Variants in SIRT4 observed in about 807,000 individuals in gnomAD.
SIRT4 encodes NAD-dependent protein lipoamidase sirtuin-4, mitochondrial.
In SIRT4, 23 loss-of-function variants were observed where a neutral mutation model predicts 26.1. The ratio of observed to expected loss-of-function variants is 0.88; its 90% CI spans 0.63 to 1.25. SIRT4 has a LOEUF of 1.25. SIRT4 is among the 50% of genes most tolerant of loss of function. The probability of loss-of-function intolerance (pLI) is 0.00; values close to 1 mark genes in which losing one functional copy is unlikely to be tolerated. For missense variants in SIRT4, 361 were observed against 405.4 expected (o/e 0.89, Z 0.94); for synonymous variants, 155 against 158.4 (o/e 0.98, Z 0.16).
chr12:120,313,110 C>T lies in SIRT4; in HGVS notation c.*74C>T, dbSNP rs1348653627. On this transcript the variant is annotated 3_prime_UTR_variant, in exon 4 of 4. Transcript: ENST00000202967. ...TTGCTGCTAAATGTAAATGCCTTCT[C>T]AAATGACAGATTCCAGTTCCCATTC... The T allele has an allele frequency of 6.5e-7, 1 of 1,547,850 alleles. No homozygotes were observed. The highest frequency in any genetic ancestry group is 1.4e-5 in the African/African-American group (1 of 73,728).
upstream of SIRT4, among the ~76,000 whole-genome samples, chr12:120,300,660 C>G (rs1246650249): frequency 6.6e-6 from 1 of 152,116 alleles, no homozygotes; most frequent in Non-Finnish European, 1.5e-5. Flanking sequence ...GTTGCCCAAG[C>G]TGGTCTTGAA....
At chr12:120,301,704 T>C (rs1037579270), upstream of SIRT4, among the ~76,000 whole-genome samples, 7 of 152,034 alleles carry the variant, frequency 4.6e-5, no homozygotes, top group Admixed American at 6.6e-5. Flanking sequence ...TCATTTCACA[T>C]TGCATGTTTG....
intron 2 of SIRT4, among the ~76,000 whole-genome samples, chr12:120,305,242 CGT>C (rs34827089): frequency 0.78 from 114,617 of 147,606 alleles, 44,370 homozygotes; most frequent in Middle Eastern, 0.87. Flanking sequence ...TGTGTGTGCA[CGT>C]GTGTGTGTGT....
chr12:120,299,549 CAAAA>C (rs35920345), upstream of SIRT4, among the ~76,000 whole-genome samples: 3 of 130,806 alleles, frequency 2.3e-5, no homozygotes, highest in Non-Finnish European at 1.6e-5. Context: ...TAGACTCTCT[CAAAA>C]AAAAAAAAAA....
chr12:120,297,155 G>A, the SIRT4 span, among the ~76,000 whole-genome samples: 1 of 151,884 alleles, frequency 6.6e-6, no homozygotes, highest in Non-Finnish European at 1.5e-5. Context: ...CCCGGTAGGC[G>A]GAGGTTGCAG....
At chr12:120,306,571 G>T (rs1439919575) in intron 2 of SIRT4, among the ~76,000 whole-genome samples, 1 of 151,898 alleles carries the variant, frequency 6.6e-6, no homozygotes, top group African/African-American at 2.4e-5. Context: ...GGAGGCAGAG[G>T]CAGGCAGATC....
the SIRT4 span, among the ~76,000 whole-genome samples, chr12:120,296,086 CAAAAAAAAAAA>C: frequency 1.5e-4 from 6 of 40,192 alleles, no homozygotes; most frequent in African/African-American, 5.3e-4. Flanking sequence ...GACTCCGTCT[CAAAAAAAAAAA>C]AAAAAAAAAA....
chr12:120,304,084 C>G, intron 2 of SIRT4, 26 bp downstream of exon 2: 2 of 1,596,506 alleles, frequency 1.3e-6, no homozygotes, highest in Non-Finnish European at 1.7e-6. Flanking sequence ...ACGGTTTGAA[C>G]GCAAACCCGT....
rs1221586121 is a variant in SIRT4 at position 120,304,015 on chromosome 12, G to A, written c.454G>A (p.Ala152Thr). 10 of 1,612,508 alleles carry A rather than the reference G, an allele frequency of 6.2e-6. No homozygotes were observed. In the Middle Eastern group the frequency reaches 1.5e-3, roughly 239 times the overall value. The change falls in exon 2 of 4, where the codon GCG (alanine) becomes ACG (threonine). Residue 152 changes from alanine (A) to threonine (T), a missense_variant. Transcript: ENST00000202967. ...TQNVDALHTK[A>T]GSRRLTELHG... is the part of the protein sequence containing the mutation. ...AAATGTGGATGCTTTGCACACCAAG[G>A]CGGGGAGTCGGCGCCTGACAGAGCT...
chr12:120,304,825 ATATATATATATTTTTT>A (rs1367090827), intron 2 of SIRT4, among the ~76,000 whole-genome samples: 22 of 18,134 alleles, frequency 1.2e-3, no homozygotes, highest in South Asian at 4.8e-3. Context: ...ATATATATAT[ATATATATATATTTTTT>A]TTTTTTTTTT....
At chr12:120,307,317 C>A (rs1872778315) in intron 2 of SIRT4, among the ~76,000 whole-genome samples, 1 of 152,054 alleles carries the variant, frequency 6.6e-6, no homozygotes, top group Admixed American at 6.6e-5. Flanking sequence ...TGTCGAAACC[C>A]AGTCTCTACT....
intron 2 of SIRT4, among the ~76,000 whole-genome samples, chr12:120,307,077 G>C (rs553168163): frequency 6.6e-6 from 1 of 152,308 alleles, no homozygotes; most frequent in Non-Finnish European, 1.5e-5. Context: ...AGGCTCCTCT[G>C]AGGGCTGAAG....
rs138340515 is a variant in SIRT4, at chr12:120,308,433, A to G, written c.498-4023A>G. Among the ~76,000 whole-genome samples the G allele has an allele frequency of 8.8e-3, 1,335 of 152,194 alleles. 14 individuals carry two copies. The highest frequency in any genetic ancestry group is 0.015 in the Non-Finnish European group (1,050 of 68,002). ...CGTGATCCGCCTGCCTCGGCCTCCC[A>G]AAGCGCTGGGATTACAGGCGTGAGC... On this transcript the variant is annotated intron_variant, in intron 2 of 3. Coordinates refer to ENST00000202967, the MANE Select transcript of SIRT4 (RefSeq NM_012240.3).
At chr12:120,295,364 G>A in the SIRT4 span, among the ~76,000 whole-genome samples, 43 of 147,338 alleles carry the variant, frequency 2.9e-4, no homozygotes, top group African/African-American at 6.5e-4. Context: ...ACAGGTATGC[G>A]CCACCATGCC....
At chr12:120,309,053 C>A (rs963239840) in intron 2 of SIRT4, among the ~76,000 whole-genome samples, 1 of 152,002 alleles carries the variant, frequency 6.6e-6, no homozygotes, top group Non-Finnish European at 1.5e-5. Flanking sequence ...GTGGCACATG[C>A]CTGTAATCCC....
chr12:120,304,835 ATTTTTT>A (rs1169655844), intron 2 of SIRT4, among the ~76,000 whole-genome samples: 2,176 of 22,992 alleles, frequency 0.095, 76 homozygotes, highest in East Asian at 0.43. Flanking sequence ...ATATATATAT[ATTTTTT>A]TTTTTTTTTT....
chr12:120,293,113 C>CA, the SIRT4 span: 16 of 152,114 alleles, frequency 1.1e-4, no homozygotes, highest in African/African-American at 3.1e-4. Context: ...TAGAGACTGT[C>CA]AAAAATTGCC....
At chr12:120,304,652 A>C (rs1007351521) in intron 2 of SIRT4, among the ~76,000 whole-genome samples, 1 of 145,558 alleles carries the variant, frequency 6.9e-6, no homozygotes, top group Non-Finnish European at 1.5e-5. Context: ...AGAAAAAAAG[A>C]AAAAAAAAAG....
At chr12:120,293,022 T>C in the SIRT4 span, 1 of 150,558 alleles carries the variant, frequency 6.6e-6, no homozygotes, top group African/African-American at 2.5e-5. Context: ...GAACAAGTAC[T>C]CTTCAACCTC....
Sources: gnomAD v4.1 joint callset for allele counts (sites outside exome capture counted in the v4.1 genomes callset) on GRCh38, gnomAD v4.1.1 for gene constraint, MANE v1.5 for transcripts, NCBI Gene and HGNC (gene_info 2026-07-23, HGNC 2026-07-21) for gene names.